The following PMPCB variants were observed in gnomAD, a reference collection of about 807,000 sequenced individuals.
PMPCB encodes the protein mitochondrial-processing peptidase subunit beta.
PMPCB carries 46 observed loss-of-function variants against 61.5 expected under a neutral mutation model. That is an observed-to-expected ratio of 0.75 (90% confidence interval 0.59 to 0.96). PMPCB has a LOEUF of 0.96. PMPCB is among the 40% of genes least tolerant of loss of function. PMPCB has a pLI of 0.00. For synonymous variants in PMPCB, 191 were observed against 201.6 expected (o/e 0.95, Z 0.44); for missense variants, 590 against 602.4 (o/e 0.98, Z 0.22).
At position 103,313,038 on chromosome 7, in the gene PMPCB, T is replaced by C. The variant is rs773102991; in HGVS notation, c.*767T>C. The C allele has an allele frequency of 6.2e-7, 1 of 1,614,090 alleles. No individual in the cohort carries two copies. Among genetic ancestry groups the C allele is most frequent in the Non-Finnish European group, 8.5e-7 (1 of 1,179,964 alleles). On this transcript the variant is annotated 3_prime_UTR_variant, in exon 13 of 13. Coordinates refer to ENST00000249269, the MANE Select transcript of PMPCB (RefSeq NM_004279.3). ...TTCAGGTGTATTTACTGGGTATGTT[T>C]TCAAAGCTTGTTCCAAAAGCTTCTG...
At chr7:103,336,360 G>A in the PMPCB span, 1 of 151,690 alleles carries the variant, frequency 6.6e-6, no homozygotes, top group African/African-American at 2.4e-5. Context: ...CTATTTTTTC[G>A]GAAACAGAGT....
intron 12 of PMPCB, chr7:103,319,957 C>T (rs955957755): frequency 1.8e-6 from 2 of 1,112,126 alleles, no homozygotes; most frequent in Non-Finnish European, 2.6e-6. Flanking sequence ...ATCGCTTGAA[C>T]CTGGAGGCGG....
At chr7:103,301,981 G>A (rs1056981982) in intron 4 of PMPCB, among the ~76,000 whole-genome samples, 1 of 152,054 alleles carries the variant, frequency 6.6e-6, no homozygotes, top group Non-Finnish European at 1.5e-5. Context: ...GCTCCGGTGT[G>A]TGATGTTCCC....
At chr7:103,342,847 A>T in the PMPCB span, among the ~76,000 whole-genome samples, 1 of 151,730 alleles carries the variant, frequency 6.6e-6, no homozygotes, top group Non-Finnish European at 1.5e-5. Context: ...TGACCTCGTG[A>T]TCCACCCACC....
At position 103,312,050 on chromosome 7, in the gene PMPCB, T is replaced by C; in HGVS notation, c.1330-6T>C. 1.2e-6 allele frequency: 2 copies of C among 1,612,804 alleles called. No individual in the cohort carries two copies. The highest frequency in any genetic ancestry group is 2.2e-5 in the South Asian group (2 of 90,908). On this transcript the variant is annotated splice_region_variant and splice_polypyrimidine_tract_variant and intron_variant, in intron 11 of 12. Coordinates refer to ENST00000249269, the MANE Select transcript of PMPCB (RefSeq NM_004279.3). Reference sequence around the variant, plus strand: ...CAGCTGAATGACAGTGTCTTCCATATTTCAGGCTGTGAATGCTGAGACAAT... The same window carrying C: ...CAGCTGAATGACAGTGTCTTCCATACTTCAGGCTGTGAATGCTGAGACAAT...
At chr7:103,297,898 C>T (rs1475304505) in intron 1 of PMPCB, 2 of 1,350,514 alleles carry the variant, frequency 1.5e-6, no homozygotes, top group Non-Finnish European at 1.9e-6. Context: ...TCTATTTTTG[C>T]CTAAGACTGA....
At chr7:103,299,320 T>C (rs1817383667) in intron 2 of PMPCB, 123 bp from the exon 3 acceptor site, 1 of 615,700 alleles carries the variant, frequency 1.6e-6, no homozygotes, top group Non-Finnish European at 2.8e-6. Flanking sequence ...ATCAATTCAC[T>C]CAGGTCAAGA....
the PMPCB span, chr7:103,344,431 C>T: frequency 8.7e-4 from 895 of 1,030,608 alleles, no homozygotes; most frequent in Non-Finnish European, 1.2e-3. Flanking sequence ...AGGCACTCGT[C>T]ACGGCCCCAT....
intron 2 of PMPCB, 60 bp downstream of exon 2, chr7:103,298,768 T>C: frequency 6.6e-7 from 1 of 1,520,884 alleles, no homozygotes; most frequent in Non-Finnish European, 9.0e-7. Flanking sequence ...AAATTGTTGA[T>C]TTTAATCTTT....
At chr7:103,301,539 G>A (rs150095442) in intron 4 of PMPCB, among the ~76,000 whole-genome samples, 2 of 152,242 alleles carry the variant, frequency 1.3e-5, no homozygotes, top group Admixed American at 1.3e-4. Context: ...AAGGAAGGAT[G>A]AAATTAAACG....
chr7:103,301,869 G>C (rs1817460865), intron 4 of PMPCB, among the ~76,000 whole-genome samples: 1 of 151,926 alleles, frequency 6.6e-6, no homozygotes, highest in African/African-American at 2.4e-5. Flanking sequence ...TGTTACATAT[G>C]TATTCATGTG....
At chr7:103,334,573 TAAA>T in the PMPCB span, among the ~76,000 whole-genome samples, 1 of 134,180 alleles carries the variant, frequency 7.5e-6, no homozygotes. Flanking sequence ...GACTCCGTCT[TAAA>T]AAAAAAAAGA....
At chr7:103,297,694 G>A (rs1042033217) in intron 1 of PMPCB, 136 bp downstream of exon 1, 21 of 1,536,960 alleles carry the variant, frequency 1.4e-5, no homozygotes, top group East Asian at 2.4e-5. Context: ...GGCGCCAGGC[G>A]GCCTGGGGCT....
intron 7 of PMPCB, 53 bp downstream of exon 7, chr7:103,307,761 T>C (rs1817628380): frequency 1.0e-6 from 1 of 966,478 alleles, no homozygotes; most frequent in African/African-American, 1.6e-5. Context: ...TTGTGTTGTA[T>C]TTACACATAA....
At chr7:103,310,533 TTTTTA>T in intron 9 of PMPCB, 58 bp downstream of exon 9, 1 of 1,342,266 alleles carries the variant, frequency 7.5e-7, no homozygotes, top group South Asian at 1.3e-5. Flanking sequence ...TTAAACTAGT[TTTTTA>T]TTTATACTTT....
Position 103,306,153 on chromosome 7 carries a change from C to G in PMPCB, c.737-1443C>G, listed in dbSNP as rs1430501535. 2.6e-5 allele frequency among the ~76,000 whole-genome samples: 4 copies of G among 152,128 alleles called. No homozygotes were observed. The East Asian group carries it at 7.7e-4, about 29-fold the overall frequency. ...ATGTCTTGGCTACCATTTATCTCTT[C>G]TAGGCTAATCATCAGGATGTATAGC... On this transcript the variant is annotated intron_variant, in intron 6 of 12. Coordinates refer to ENST00000249269, the MANE Select transcript of PMPCB (RefSeq NM_004279.3).
chr7:103,315,169 A>ATT (rs35425130), downstream of PMPCB, among the ~76,000 whole-genome samples: 4 of 146,862 alleles, frequency 2.7e-5, no homozygotes, highest in Admixed American at 6.8e-5. Context: ...AAACCCTAAC[A>ATT]TTTTTTTTTT....
At chr7:103,346,446 TA>T in the PMPCB span, among the ~76,000 whole-genome samples, 1 of 152,138 alleles carries the variant, frequency 6.6e-6, no homozygotes, top group African/African-American at 2.4e-5. Context: ...TTTTGTTTTT[TA>T]AAAAAATTGT....
At chr7:103,302,523 C>CT (rs1420342719) in intron 4 of PMPCB, among the ~76,000 whole-genome samples, 2 of 152,164 alleles carry the variant, frequency 1.3e-5, no homozygotes, top group Non-Finnish European at 2.9e-5. Context: ...TCTATGGGCT[C>CT]TTTCTCACCC....
Sources: allele counts gnomAD v4.1 joint callset (sites outside exome capture counted in the v4.1 genomes callset), GRCh38; gene constraint gnomAD v4.1.1; transcripts MANE v1.5; gene names NCBI Gene and HGNC (gene_info 2026-07-23, HGNC 2026-07-21).